Variants in STON2 observed in about 807,000 individuals in gnomAD.
STON2 encodes stonin 2, also known as stonin-2.
STON2 carries 29 observed loss-of-function variants against 65.7 expected under a neutral mutation model. That is an observed-to-expected ratio of 0.44 (90% confidence interval 0.33 to 0.60). The LOEUF (loss-of-function observed/expected upper bound fraction) is 0.60, where lower values mean the gene tolerates loss of function less well. STON2 is among the 20% of genes least tolerant of loss of function. The pLI is 0.03. For synonymous variants in STON2, 404 were observed against 414.2 expected (o/e 0.98, Z 0.30); for missense variants, 1,054 against 1,118.1 (o/e 0.94, Z 0.82).
intron 4 of STON2, among the ~76,000 whole-genome samples, chr14:81,336,448 A>G (rs1166721469): frequency 6.6e-6 from 1 of 152,086 alleles, no homozygotes; most frequent in Non-Finnish European, 1.5e-5. Flanking sequence ...CCACCATACC[A>G]TAACACAGGA....
In STON2 at chr14:81,278,324, G is replaced by T. The variant is rs1440074168; in HGVS notation, c.1158C>A (p.Asn386Lys). 3 of 1,614,208 alleles carry T rather than the reference G, an allele frequency of 1.9e-6. No homozygotes were observed. Among genetic ancestry groups the T allele is most frequent in the Non-Finnish European group, 2.5e-6 (3 of 1,180,022 alleles). Residue 386 changes from asparagine to lysine, a missense_variant, in exon 6 of 8, where the codon AAC becomes AAA. By Grantham distance (94) the Asn-to-Lys change is moderately conservative. Coordinates refer to ENST00000614646, the MANE Select transcript of STON2 (RefSeq NM_001394390.1). ...GCTCCTCAAAGAAAGCACTGAAAGG[G>T]TTGATAGGGGAGGGCTGTACATCCT... ...TLQDVQPSPINPFSAFFEEQE... is the reference protein window; with the variant it reads ...TLQDVQPSPIKPFSAFFEEQE...
In STON2 at chr14:81,302,253, A is replaced by G. The variant is rs534879497; in HGVS notation, c.742+21764T>C. Among the ~76,000 whole-genome samples the G allele has an allele frequency of 2.6e-5, 4 of 152,338 alleles. No individual in the cohort carries two copies. In the East Asian group the frequency reaches 5.8e-4, roughly 22 times the overall value. On this transcript the variant is annotated intron_variant, in intron 5 of 7. Transcript: ENST00000614646. ...GCATCAGATACCCCTATCTGTCTAC[A>G]AATTTCTGGAACAGAGGCTAACAAT...
At chr14:81,398,261 T>C (rs1269698306) in intron 2 of STON2, 34 bp downstream of exon 2, 9 of 1,464,692 alleles carry the variant, frequency 6.1e-6, no homozygotes, top group Admixed American at 1.8e-5. Flanking sequence ...TCTTTGACAA[T>C]CTCTTCACTT....
At chr14:81,385,647 T>C (rs77614941) in intron 3 of STON2, among the ~76,000 whole-genome samples, 6,402 of 152,276 alleles carry the variant, frequency 0.042, 481 homozygotes, top group African/African-American at 0.15. Flanking sequence ...TAACAGCTCA[T>C]TAGCCCCACA....
intron 5 of STON2, among the ~76,000 whole-genome samples, chr14:81,294,813 A>G (rs1256022070): frequency 6.6e-6 from 1 of 152,170 alleles, no homozygotes; most frequent in Non-Finnish European, 1.5e-5. Flanking sequence ...AACATGAAAT[A>G]ATCCTAATCC....
intron 4 of STON2, among the ~76,000 whole-genome samples, chr14:81,367,650 C>G (rs1898798826): frequency 6.6e-6 from 1 of 152,212 alleles, no homozygotes; most frequent in Non-Finnish European, 1.5e-5. Context: ...TAGCACACGT[C>G]AGGATGTTCA....
intron 5 of STON2, among the ~76,000 whole-genome samples, chr14:81,304,190 T>C (rs1012764568): frequency 2.6e-5 from 4 of 152,206 alleles, no homozygotes; most frequent in African/African-American, 9.6e-5. Flanking sequence ...ACCAGGGTTT[T>C]GTACATTTTT....
Position 81,408,161 on chromosome 14 carries a change from GCA to G in STON2, c.-198-9583_-198-9582del, listed in dbSNP as rs1313540921. Reference sequence around the variant, plus strand: ...AACACACACACACACACACACACGCGCACACACACACACATTAATTAATAGGT... The same window carrying G: ...AACACACACACACACACACACACGCGCACACACACACATTAATTAATAGGT... On this transcript the variant is annotated intron_variant, in intron 2 of 8. Coordinates refer to the STON2 transcript ENST00000553821. Among the ~76,000 whole-genome samples the G allele has an allele frequency of 5.1e-5, 6 of 117,346 alleles. No individual in the cohort carries two copies. The South Asian group carries it at 1.7e-3, about 34-fold the overall frequency. The allele number at this position is 117,346 out of a possible 152,430, so 77.0% of individuals were successfully genotyped here.
At position 81,267,374 on chromosome 14, in the gene STON2, A is replaced by G; in HGVS notation, c.*1040T>C. 1.0e-6 allele frequency: 1 copy of G among 985,376 alleles called. No individual in the cohort carries two copies. Among genetic ancestry groups the G allele is most frequent in the Non-Finnish European group, 1.2e-6 (1 of 829,922 alleles). 61.0% of individuals were successfully genotyped at this position (985,376 alleles called of 1,614,324 possible). A position where few individuals can be genotyped will look rare whatever the true frequency, so the allele number is the denominator to read the frequency against. Reference sequence around the variant, plus strand: ...ATTATCAAACTCTGAATTTTGGGGGAAAGCTCATTCAAGCTTAATTTTAAA... The same window carrying G: ...ATTATCAAACTCTGAATTTTGGGGGGAAGCTCATTCAAGCTTAATTTTAAA... On this transcript the variant is annotated 3_prime_UTR_variant, in exon 8 of 8. Coordinates refer to ENST00000614646, the MANE Select transcript of STON2 (RefSeq NM_001394390.1).
chr14:81,358,292 T>C (rs992920662), intron 4 of STON2, among the ~76,000 whole-genome samples: 4 of 152,086 alleles, frequency 2.6e-5, no homozygotes, highest in Non-Finnish European at 5.9e-5. Context: ...GAGGAGTAAA[T>C]GTGTAGAGTT....
chr14:81,276,830 G>A, intron 6 of STON2, 71 bp downstream of exon 6: 1 of 1,526,002 alleles, frequency 6.6e-7, no homozygotes, highest in African/African-American at 1.4e-5. Flanking sequence ...CTTCATACAG[G>A]ATGTGGAACT....
At position 81,261,671 on chromosome 14, in the gene STON2, T is replaced by G; in HGVS notation, c.*6743A>C. ...ACAAAATGACAAATATATATATACC[T>G]CATTGATTATCCTATCATCCCCAGT... is the stretch of plus-strand genomic sequence containing the variant. On this transcript the variant is annotated 3_prime_UTR_variant, in exon 8 of 8. Coordinates refer to ENST00000614646, the MANE Select transcript of STON2 (RefSeq NM_001394390.1). 1.0e-6 allele frequency: 1 copy of G among 997,744 alleles called. No homozygotes were observed. Among genetic ancestry groups the G allele is most frequent in the Non-Finnish European group, 1.4e-6 (1 of 734,262 alleles). The allele number at this position is 997,744 out of a possible 1,614,324, so 61.8% of individuals were successfully genotyped here. A position where few individuals can be genotyped will look rare whatever the true frequency, so the allele number is the denominator to read the frequency against.
chr14:81,314,578 T>A (rs1896552138), intron 5 of STON2, among the ~76,000 whole-genome samples: 1 of 152,172 alleles, frequency 6.6e-6, no homozygotes, highest in Non-Finnish European at 1.5e-5. Context: ...GATCCATCAA[T>A]CCAAAGTGAC....
In STON2 at chr14:81,265,345, G is replaced by C. The variant is rs544554783; in HGVS notation, c.*3069C>G. The C allele has an allele frequency of 8.1e-6, 8 of 984,372 alleles. No homozygotes were observed. Among genetic ancestry groups the C allele is most frequent in the Non-Finnish European group, 9.6e-6 (8 of 829,096 alleles). The allele number at this position is 984,372 out of a possible 1,614,324, so 61.0% of individuals were successfully genotyped here. A position where few individuals can be genotyped will look rare whatever the true frequency, so the allele number is the denominator to read the frequency against. On this transcript the variant is annotated 3_prime_UTR_variant, in exon 8 of 8. Transcript: ENST00000614646. ...CAAATTTGATGAAATTAAGATGTTA[G>C]GTTTTTAAAAATTAATAATAATTTG...
At chr14:81,346,339 C>CG (rs1897808982) in intron 4 of STON2, among the ~76,000 whole-genome samples, 1 of 151,998 alleles carries the variant, frequency 6.6e-6, no homozygotes, top group African/African-American at 2.4e-5. Flanking sequence ...AATGAGAAGA[C>CG]GGACTACAGG....
chr14:81,383,476 A>C (rs1222025954), intron 3 of STON2, among the ~76,000 whole-genome samples: 1 of 152,126 alleles, frequency 6.6e-6, no homozygotes, highest in East Asian at 1.9e-4. Context: ...CATGTCCAAA[A>C]CTAAGCTCCT....
intron 4 of STON2, among the ~76,000 whole-genome samples, chr14:81,361,895 C>T (rs1898509434): frequency 6.6e-6 from 1 of 152,020 alleles, no homozygotes; most frequent in South Asian, 2.1e-4. Flanking sequence ...ATATAATACT[C>T]AACATCATTA....
intron 4 of STON2, among the ~76,000 whole-genome samples, chr14:81,331,153 T>G (rs1400913868): frequency 1.3e-5 from 2 of 152,206 alleles, no homozygotes; most frequent in Non-Finnish European, 2.9e-5. Flanking sequence ...GCTAAAGCAA[T>G]TCAAGCTTTT....
At chr14:81,326,490 A>T (rs927942073) in intron 4 of STON2, among the ~76,000 whole-genome samples, 1 of 152,172 alleles carries the variant, frequency 6.6e-6, no homozygotes, top group East Asian at 1.9e-4. Flanking sequence ...CTGTCTCAGT[A>T]ATGAAACAAT....
Sources: allele counts gnomAD v4.1 joint callset (sites outside exome capture counted in the v4.1 genomes callset), GRCh38; gene constraint gnomAD v4.1.1; transcripts MANE v1.5; gene names NCBI Gene and HGNC (gene_info 2026-07-23, HGNC 2026-07-21).